The following CHST11 variants were observed in gnomAD, a reference collection of about 807,000 sequenced individuals.
CHST11 encodes C4S-1.
CHST11 carries 9 observed loss-of-function variants against 30.4 expected under a neutral mutation model. The observed-to-expected ratio is 0.30, with a 90% CI of 0.18 to 0.52. The LOEUF (loss-of-function observed/expected upper bound fraction) is 0.52, where lower values mean the gene tolerates loss of function less well. CHST11 is among the 20% of genes least tolerant of loss of function. The pLI, the probability that CHST11 is intolerant of heterozygous loss-of-function variation, is 0.97. For synonymous variants in CHST11, 152 were observed against 187.8 expected (o/e 0.81, Z 1.56); for missense variants, 348 against 460.6 (o/e 0.76, Z 2.24).
At chr12:104,653,830 C>A (rs2039517514) in intron 2 of CHST11, among the ~76,000 whole-genome samples, 1 of 152,182 alleles carries the variant, frequency 6.6e-6, no homozygotes, top group African/African-American at 2.4e-5. Context: ...AACCAGGATT[C>A]AAACCCTGGC....
intron 2 of CHST11, among the ~76,000 whole-genome samples, chr12:104,721,825 G>A (rs1452950264): frequency 6.6e-6 from 1 of 152,174 alleles, no homozygotes; most frequent in Non-Finnish European, 1.5e-5. Flanking sequence ...ACATGGCTCA[G>A]GCGATTCCCC....
At chr12:104,531,952 A>G (rs1002089033) in intron 1 of CHST11, among the ~76,000 whole-genome samples, 7 of 152,222 alleles carry the variant, frequency 4.6e-5, no homozygotes, top group African/African-American at 1.7e-4. Context: ...AGTGAAGGAA[A>G]TGGAGGCTAG....
chr12:104,701,245 G>C (rs2039988668), intron 2 of CHST11, among the ~76,000 whole-genome samples: 1 of 152,260 alleles, frequency 6.6e-6, no homozygotes, highest in Non-Finnish European at 1.5e-5. Flanking sequence ...TTTCTGCCCA[G>C]AATGTGTCCC....
At chr12:104,473,181 G>C (rs978824221) in intron 1 of CHST11, among the ~76,000 whole-genome samples, 1 of 152,086 alleles carries the variant, frequency 6.6e-6, no homozygotes, top group Non-Finnish European at 1.5e-5. Context: ...GGGCCATTTG[G>C]AAATCGTTTC....
intron 2 of CHST11, among the ~76,000 whole-genome samples, chr12:104,646,228 C>T (rs1211206593): frequency 6.6e-6 from 1 of 152,194 alleles, no homozygotes; most frequent in Non-Finnish European, 1.5e-5. Context: ...GCTTCCACCC[C>T]ACTTTCTCCT....
chr12:104,706,537 C>T (rs543465886), intron 2 of CHST11, among the ~76,000 whole-genome samples: 3 of 151,970 alleles, frequency 2.0e-5, no homozygotes, highest in Admixed American at 6.5e-5. Flanking sequence ...ATTTGAGAAG[C>T]GACCCCCTGG....
intron 2 of CHST11, among the ~76,000 whole-genome samples, chr12:104,749,825 A>G (rs2040415659): frequency 6.6e-6 from 1 of 152,228 alleles, no homozygotes; most frequent in South Asian, 2.1e-4. Context: ...ATGGTGGCAA[A>G]GAATTCCTCT....
At chr12:104,752,595 G>A (rs2040442425) in intron 2 of CHST11, among the ~76,000 whole-genome samples, 1 of 152,180 alleles carries the variant, frequency 6.6e-6, no homozygotes, top group Middle Eastern at 3.4e-3. Context: ...TGCCGCGATC[G>A]CGGCTCATTG....
At chr12:104,530,175 A>G (rs1285424883) in intron 1 of CHST11, among the ~76,000 whole-genome samples, 1 of 152,134 alleles carries the variant, frequency 6.6e-6, no homozygotes, top group Non-Finnish European at 1.5e-5. Context: ...CTATTACTGT[A>G]TAAGAAAGAG....
At chr12:104,505,500 T>C (rs2037896631) in intron 1 of CHST11, among the ~76,000 whole-genome samples, 1 of 152,230 alleles carries the variant, frequency 6.6e-6, no homozygotes, top group Admixed American at 6.5e-5. Context: ...TCCTGGGTTA[T>C]GTTGACGCTG....
intron 1 of CHST11, among the ~76,000 whole-genome samples, chr12:104,545,047 T>C (rs2038333515): frequency 6.6e-6 from 1 of 152,204 alleles, no homozygotes; most frequent in South Asian, 2.1e-4. Flanking sequence ...CTTGTCCCTG[T>C]GGATGGCAAG....
At chr12:104,690,186 G>C (rs775285671) in intron 2 of CHST11, among the ~76,000 whole-genome samples, 2 of 152,174 alleles carry the variant, frequency 1.3e-5, no homozygotes, top group African/African-American at 2.4e-5. Flanking sequence ...AAATAACACA[G>C]TACCTATAAA....
chr12:104,610,291 C>T (rs187709906), intron 2 of CHST11, among the ~76,000 whole-genome samples: 1 of 152,272 alleles, frequency 6.6e-6, no homozygotes, highest in East Asian at 1.9e-4. Context: ...CTCATTGATT[C>T]GTCCACATTT....
At chr12:104,489,540 A>G (rs751387694) in intron 1 of CHST11, among the ~76,000 whole-genome samples, 3 of 151,994 alleles carry the variant, frequency 2.0e-5, no homozygotes, top group Non-Finnish European at 4.4e-5. Flanking sequence ...GTGCAGTGGC[A>G]CGATCTTGGC....
chr12:104,584,264 T>C (rs368195140), intron 1 of CHST11, among the ~76,000 whole-genome samples: 1 of 148,694 alleles, frequency 6.7e-6, no homozygotes, highest in African/African-American at 2.5e-5. Flanking sequence ...CTTTCTTCTT[T>C]TTTTTTTTTT....
At chr12:104,475,748 A>T (rs2135957142) in intron 1 of CHST11, among the ~76,000 whole-genome samples, 1 of 138,268 alleles carries the variant, frequency 7.2e-6, no homozygotes, top group Non-Finnish European at 1.5e-5. Flanking sequence ...AAAGGAACTT[A>T]CTTCCAAAAA....
intron 1 of CHST11, among the ~76,000 whole-genome samples, chr12:104,567,030 G>C (rs1304006329): frequency 6.6e-6 from 1 of 152,050 alleles, no homozygotes; most frequent in Non-Finnish European, 1.5e-5. Context: ...TTTGCAAATT[G>C]TTCCTGATGG....
intron 1 of CHST11, among the ~76,000 whole-genome samples, chr12:104,524,057 T>C (rs1286142526): frequency 1.9e-5 from 2 of 104,296 alleles, no homozygotes; most frequent in African/African-American, 7.0e-5. Context: ...TTTTTTTTTT[T>C]GCCTCTCAAT....
intron 1 of CHST11, among the ~76,000 whole-genome samples, chr12:104,582,930 G>T (rs1297006241): frequency 6.6e-6 from 1 of 151,832 alleles, no homozygotes; most frequent in Non-Finnish European, 1.5e-5. Flanking sequence ...ACATCTGGCT[G>T]CTTCCCCTAG....
Sources: allele counts gnomAD v4.1 joint callset (sites outside exome capture counted in the v4.1 genomes callset), GRCh38; gene constraint gnomAD v4.1.1; transcripts MANE v1.5; gene names NCBI Gene and HGNC (gene_info 2026-07-23, HGNC 2026-07-21).